Variants in CAAP1 observed in about 807,000 individuals in gnomAD.
CAAP1 encodes the protein conserved anti-apoptotic protein.
CAAP1 carries 20 observed loss-of-function variants against 34.0 expected under a neutral mutation model. The ratio of observed to expected loss-of-function variants is 0.59; its 90% CI spans 0.41 to 0.86. The LOEUF (loss-of-function observed/expected upper bound fraction) is 0.86, where lower values mean the gene tolerates loss of function less well. Among genes scored for constraint, CAAP1 ranks in the 40% least tolerant of loss-of-function variants. The pLI is 0.00. For missense variants in CAAP1, 538 were observed against 450.5 expected, an observed-to-expected ratio of 1.19 and a Z score of -1.76; for synonymous variants, 213 against 166.7, an observed-to-expected ratio of 1.28 and a Z score of -2.14.
Position 26,892,468 on chromosome 9 carries a change from TCGCTGCGCTCCA to T in CAAP1, c.236_247del (p.Val79_Ser82del). On this transcript the variant is annotated inframe_deletion, in exon 1 of 6. Coordinates refer to ENST00000333916, the MANE Select transcript of CAAP1 (RefSeq NM_024828.4). ...GTCGGTACTCCTCCGCTTCCGGCGC[TCGCTGCGCTCCA>T]CGCTGCTCCCGCCCCAACAGCTGCC... 1 of 1,567,332 alleles carries T rather than the reference TCGCTGCGCTCCA, an allele frequency of 6.4e-7. No homozygotes were observed. The highest frequency in any genetic ancestry group is 1.2e-5 in the South Asian group (1 of 86,388).
chr9:26,845,599 C>T lies in CAAP1; in HGVS notation c.740-2952G>A, dbSNP rs962930600. Among the ~76,000 whole-genome samples the T allele has an allele frequency of 3.3e-5, 5 of 152,290 alleles. 1 individual carries two copies. In the South Asian group the frequency reaches 1.0e-3, roughly 32 times the overall value. ...CCATGTTGGTCAGGCTGGTCTGGAA[C>T]TCCTGACCTCGTGATCCACCCACCT... On this transcript the variant is annotated intron_variant, in intron 5 of 5. Transcript: ENST00000333916.
rs1822484120 is a variant in CAAP1, at chr9:26,841,685, G to A, written c.*616C>T. On this transcript the variant is annotated 3_prime_UTR_variant, in exon 6 of 6. Transcript: ENST00000333916. ...TATCAAATACCTGTTAGAATGGCGTGTCTGCTATAATTAAACATGGGCAAT... is the reference window on the plus strand; with the variant it reads ...TATCAAATACCTGTTAGAATGGCGTATCTGCTATAATTAAACATGGGCAAT... 1 of 152,536 alleles carries A rather than the reference G, an allele frequency of 6.6e-6. No homozygotes were observed. Among genetic ancestry groups the A allele is most frequent in the Non-Finnish European group, 1.5e-5 (1 of 68,004 alleles). The allele number at this position is 152,536 out of a possible 1,614,324, so 9.4% of individuals were successfully genotyped here.
intron 4 of CAAP1, chr9:26,880,321 G>T: frequency 3.1e-6 from 1 of 325,680 alleles, no homozygotes; most frequent in South Asian, 2.5e-5. Context: ...TTGAAGTCCT[G>T]AGCAATTTCT....
intron 4 of CAAP1, among the ~76,000 whole-genome samples, chr9:26,883,639 T>C (rs1002886737): frequency 6.6e-6 from 1 of 152,078 alleles, no homozygotes; most frequent in African/African-American, 2.4e-5. Flanking sequence ...ATAACAAATA[T>C]AATCAAGCAA....
rs145299717 is a variant in CAAP1 at position 26,872,553 on chromosome 9, A to AATATATATATATATATAT, written c.666-11432_666-11415dup. 1.2e-3 allele frequency among the ~76,000 whole-genome samples: 174 copies of AATATATATATATATATAT among 142,542 alleles called. 6 individuals are homozygous for AATATATATATATATATAT. The highest frequency in any genetic ancestry group is 4.5e-3 in the African/African-American group (168 of 36,932). The allele number at this position is 142,542 out of a possible 152,430, so 93.5% of individuals were successfully genotyped here. Reference sequence around the variant, plus strand: ...TAAATAGACAGATAGATATACATATAATATATATATATATATATATTTAGA... The same window carrying AATATATATATATATATAT: ...TAAATAGACAGATAGATATACATATAATATATATATATATATATATATATATATATATATATATTTAGA... On this transcript the variant is annotated intron_variant, in intron 4 of 5. Coordinates refer to ENST00000333916, the MANE Select transcript of CAAP1 (RefSeq NM_024828.4).
At chr9:26,850,281 A>ACT (rs1255169081) in intron 5 of CAAP1, among the ~76,000 whole-genome samples, 11 of 151,714 alleles carry the variant, frequency 7.3e-5, no homozygotes, top group Non-Finnish European at 1.6e-4. Flanking sequence ...CTTCCTGAAA[A>ACT]CTCTCTCTCT....
intron 4 of CAAP1, among the ~76,000 whole-genome samples, chr9:26,866,154 A>G (rs1360709526): frequency 1.3e-5 from 2 of 152,104 alleles, no homozygotes; most frequent in Non-Finnish European, 2.9e-5. Context: ...TGGCCAGTAA[A>G]TAACTTTAAA....
At chr9:26,883,359 C>T (rs1359273652) in intron 4 of CAAP1, among the ~76,000 whole-genome samples, 2 of 152,164 alleles carry the variant, frequency 1.3e-5, no homozygotes, top group Non-Finnish European at 2.9e-5. Context: ...TCTCTTGCTG[C>T]CGCCATGTAT....
chr9:26,882,443 T>C (rs1440363165), intron 4 of CAAP1, among the ~76,000 whole-genome samples: 2 of 152,120 alleles, frequency 1.3e-5, no homozygotes, highest in Non-Finnish European at 2.9e-5. Flanking sequence ...TGCAGTTGCA[T>C]AGAAGTCAAG....
At position 26,892,428 on chromosome 9, in the gene CAAP1, C is replaced by T; in HGVS notation, c.288G>A (p.Ser96=). 1 of 1,603,820 alleles carries T rather than the reference C, an allele frequency of 6.2e-7. No individual in the cohort carries two copies. Among genetic ancestry groups the T allele is most frequent in the East Asian group, 2.2e-5 (1 of 44,520 alleles). The stretch of plus-strand genomic sequence containing the variant: ...GCGCACGCACCTGCTGCAAGGAGCC[C>T]GAGACGCTGGAAGAGTCGGTACTCC... ...KRRSTDSSSV[S]GSLQQETKYI... Residue 96 remains serine, a synonymous_variant, in exon 1 of 6, where the codon TCG becomes TCA. Transcript: ENST00000333916.
intron 5 of CAAP1, among the ~76,000 whole-genome samples, chr9:26,845,262 T>C (rs1267348704): frequency 3.3e-5 from 5 of 152,264 alleles, no homozygotes; most frequent in Non-Finnish European, 5.9e-5. Context: ...GTAATATTTG[T>C]TGAATTATAC....
chr9:26,887,613 T>A, intron 1 of CAAP1, 100 bp from the exon 2 acceptor site: 1 of 725,750 alleles, frequency 1.4e-6, no homozygotes, highest in Non-Finnish European at 2.1e-6. Context: ...TTCTTCTTCA[T>A]CAAAAATTCC....
chr9:26,845,190 G>T (rs1241141749), intron 5 of CAAP1, among the ~76,000 whole-genome samples: 3 of 152,006 alleles, frequency 2.0e-5, no homozygotes, highest in Non-Finnish European at 4.4e-5. Flanking sequence ...AGAGATTTTT[G>T]TTGTTGTTCC....
chr9:26,847,700 G>A (rs373252052), intron 5 of CAAP1, among the ~76,000 whole-genome samples: 1 of 149,936 alleles, frequency 6.7e-6, no homozygotes, highest in South Asian at 2.1e-4. Context: ...TCCTTTTTTT[G>A]TAGTTTTCCT....
intron 4 of CAAP1, 80 bp downstream of exon 4, chr9:26,884,726 AAAAC>A (rs1332683203): frequency 1.0e-6 from 1 of 970,068 alleles, no homozygotes; most frequent in African/African-American, 1.6e-5. Flanking sequence ...AAAACACAGA[AAAAC>A]AATCATATCT....
chr9:26,884,914 A>G (rs1333768136), intron 3 of CAAP1, 29 bp from the exon 4 acceptor site: 3 of 1,469,446 alleles, frequency 2.0e-6, no homozygotes, highest in Non-Finnish European at 2.8e-6. Context: ...TATTGAAAGC[A>G]CACTTATAAA....
intron 4 of CAAP1, among the ~76,000 whole-genome samples, chr9:26,870,898 T>A (rs1425546069): frequency 2.0e-5 from 3 of 152,116 alleles, no homozygotes; most frequent in Non-Finnish European, 2.9e-5. Context: ...ATTACAGGCG[T>A]GAGCCACCGC....
Position 26,884,828 on chromosome 9 carries a change from C to T in CAAP1, c.647G>A (p.Gly216Glu), listed in dbSNP as rs776350798. Residue 216 changes from glycine (G) to glutamate (E), a missense_variant, in exon 4 of 6, where the codon GGA becomes GAA. Physicochemically the swap from Gly to Glu is moderately conservative, Grantham distance 98. This residue lies in a region of CAAP1 where 514 missense variants were observed against 408.4 expected (regional missense o/e 1.26). Transcript: ENST00000333916. ...EEEADDGSKM[G>E]SDLVSQQDIC... ...AACTTACTGACTGACTAAATCAGATCCCATCTTAGAACCATCATCTGCTTC... is the reference window on the plus strand; with the variant it reads ...AACTTACTGACTGACTAAATCAGATTCCATCTTAGAACCATCATCTGCTTC... 5 of 1,608,836 alleles carry T rather than the reference C, an allele frequency of 3.1e-6. No homozygotes were observed. The highest frequency in any genetic ancestry group is 3.4e-6 in the Non-Finnish European group (4 of 1,178,852).
intron 4 of CAAP1, among the ~76,000 whole-genome samples, chr9:26,873,498 T>C (rs892863892): frequency 1.3e-5 from 2 of 152,212 alleles, no homozygotes; most frequent in Admixed American, 6.5e-5. Flanking sequence ...TCCTTATATA[T>C]GAAATCTCAA....
Sources: allele counts gnomAD v4.1 joint callset (sites outside exome capture counted in the v4.1 genomes callset), GRCh38; gene constraint gnomAD v4.1.1; regional missense constraint gnomAD v4.1.1; transcripts MANE v1.5; gene names NCBI Gene and HGNC (gene_info 2026-07-23, HGNC 2026-07-21).